NCALD: variants seen among roughly 807,000 people sequenced by gnomAD.
NCALD encodes the protein neurocalcin delta, also known as neurocalcin-delta.
A neutral mutation model predicts 18.6 loss-of-function variants in NCALD; 10 were observed. The ratio of observed to expected loss-of-function variants is 0.54; its 90% CI spans 0.33 to 0.91. NCALD has a LOEUF of 0.91. Among genes scored for constraint, NCALD ranks in the 40% least tolerant of loss-of-function variants. The pLI is 0.03. For missense variants in NCALD, 184 were observed against 247.6 expected, an observed-to-expected ratio of 0.74 and a Z score of 1.72; for synonymous variants, 88 against 87.4, an observed-to-expected ratio of 1.01 and a Z score of -0.04.
intron 2 of NCALD, among the ~76,000 whole-genome samples, chr8:101,941,619 C>T (rs1419765366): frequency 6.6e-6 from 1 of 152,208 alleles, no homozygotes; most frequent in African/African-American, 2.4e-5. Context: ...AACTTCTGTG[C>T]ATCTTTCCAA....
At chr8:101,834,026 G>A (rs1814302372) in intron 4 of NCALD, among the ~76,000 whole-genome samples, 1 of 152,154 alleles carries the variant, frequency 6.6e-6, no homozygotes, top group South Asian at 2.1e-4. Context: ...ATAGCCCTAG[G>A]GAAAGTTAAG....
In NCALD at chr8:101,719,558, C is replaced by T. The variant is rs1199224549; in HGVS notation, c.72G>A (p.Glu24=). 6.2e-7 allele frequency: 1 copy of T among 1,614,094 alleles called. No individual in the cohort carries two copies. The highest frequency in any genetic ancestry group is 1.7e-5 in the Admixed American group (1 of 60,014). ...QDLLESTDFT[E]HEIQEWYKGF... ...CTTTATACCATTCCTGGATCTCATG[C>T]TCTGTAAAGTCTGTGCTTTCCAGCA... Residue 24 remains glutamate, a synonymous_variant, in exon 2 of 4, where the codon GAG becomes GAA. Coordinates refer to ENST00000220931, the MANE Select transcript of NCALD (RefSeq NM_032041.3).
intron 3 of NCALD, among the ~76,000 whole-genome samples, chr8:101,906,475 G>A (rs916817955): frequency 3.9e-5 from 6 of 152,170 alleles, no homozygotes; most frequent in African/African-American, 7.2e-5. Context: ...GCACAGAAAC[G>A]GCCATGGTTG....
intron 1 of NCALD, among the ~76,000 whole-genome samples, chr8:102,087,017 C>A (rs1447990205): frequency 6.6e-6 from 1 of 152,200 alleles, no homozygotes; most frequent in South Asian, 2.1e-4. Flanking sequence ...ATGAATAACC[C>A]ACCCCTTCCT....
chr8:101,952,841 T>C (rs1200143702), intron 2 of NCALD, among the ~76,000 whole-genome samples: 3 of 152,032 alleles, frequency 2.0e-5, no homozygotes, highest in African/African-American at 7.2e-5. Flanking sequence ...AGAGCAGAGT[T>C]CTCTGCCCGG....
chr8:101,969,146 T>C (rs1820143501), intron 2 of NCALD, among the ~76,000 whole-genome samples: 1 of 152,204 alleles, frequency 6.6e-6, no homozygotes, highest in Admixed American at 6.5e-5. Flanking sequence ...TCTGGTGACA[T>C]ACAGAACCAT....
At chr8:101,945,309 T>C (rs1424766196) in intron 2 of NCALD, among the ~76,000 whole-genome samples, 1 of 152,108 alleles carries the variant, frequency 6.6e-6, no homozygotes, top group South Asian at 2.1e-4. Flanking sequence ...CCTGCCCTCA[T>C]GGACCTTACA....
chr8:101,910,074 G>T (rs558375433), intron 3 of NCALD, among the ~76,000 whole-genome samples: 3 of 152,222 alleles, frequency 2.0e-5, no homozygotes, highest in Admixed American at 6.5e-5. Context: ...CCTAGGAGGG[G>T]CAATCCTACA....
intron 1 of NCALD, among the ~76,000 whole-genome samples, chr8:102,077,686 C>T (rs879882510): frequency 1.3e-5 from 2 of 152,246 alleles, no homozygotes; most frequent in African/African-American, 2.4e-5. Flanking sequence ...TTCCCTTTAG[C>T]GACTACTGAT....
Position 101,936,276 on chromosome 8 carries a change from T to C in NCALD, c.-156-20418A>G, listed in dbSNP as rs138688986. Reference sequence around the variant, plus strand: ...AGTAAGACCAATCAGCAAGTTTGCATATTCTTCTCCAACCACATTCAGTCT... The same window carrying C: ...AGTAAGACCAATCAGCAAGTTTGCACATTCTTCTCCAACCACATTCAGTCT... On this transcript the variant is annotated intron_variant, in intron 2 of 6. Transcript: ENST00000311028. Among the ~76,000 whole-genome samples, 600 of 152,362 alleles carry C rather than the reference T, an allele frequency of 3.9e-3. 1 individual carries two copies. The highest frequency in any genetic ancestry group is 6.6e-3 in the Non-Finnish European group (450 of 68,024).
chr8:102,022,297 C>T (rs1822303470), intron 1 of NCALD, among the ~76,000 whole-genome samples: 1 of 152,158 alleles, frequency 6.6e-6, no homozygotes, highest in South Asian at 2.1e-4. Flanking sequence ...ACTGAATAAT[C>T]CAGTATTCTA....
chr8:101,765,645 G>C (rs750495632), intron 1 of NCALD, among the ~76,000 whole-genome samples: 10 of 152,250 alleles, frequency 6.6e-5, no homozygotes, highest in African/African-American at 2.4e-4. Context: ...TGTATGTTGG[G>C]GAGGAGTAGG....
At chr8:101,819,478 A>T (rs1813632095) in intron 4 of NCALD, among the ~76,000 whole-genome samples, 1 of 152,022 alleles carries the variant, frequency 6.6e-6, no homozygotes, top group Admixed American at 6.6e-5. Flanking sequence ...CCAGTTTTCA[A>T]TTCTTCACCA....
At chr8:101,839,437 T>C (rs1347617193) in intron 4 of NCALD, among the ~76,000 whole-genome samples, 1 of 152,140 alleles carries the variant, frequency 6.6e-6, no homozygotes, top group Non-Finnish European at 1.5e-5. Context: ...GGTTTGGCTT[T>C]CAGTGGTGGC....
chr8:101,689,044 A>G lies in NCALD; in HGVS notation c.*265T>C, dbSNP rs538759275. 1.4e-6 allele frequency: 1 copy of G among 700,170 alleles called. No homozygotes were observed. Among genetic ancestry groups the G allele is most frequent in the Middle Eastern group, 2.3e-4 (1 of 4,360 alleles). 43.4% of individuals were successfully genotyped at this position (700,170 alleles called of 1,614,324 possible). On this transcript the variant is annotated 3_prime_UTR_variant, in exon 4 of 4. Transcript: ENST00000220931. The surrounding 1 kb of genome is among the most constrained non-coding windows in gnomAD (Gnocchi z 4.4). ...AGAACAGAGACATTAGAATAAAAAA[A>G]AATAATAGTAACGATTAAAAATCAT...
rs981254347 is a variant in NCALD at position 101,808,787 on chromosome 8, C to A, written c.-20+78354G>T. On this transcript the variant is annotated intron_variant, in intron 4 of 6. Coordinates refer to the NCALD transcript ENST00000311028. ...GGCTGTACACCCTAAAGATGGATGG[C>A]GGGGCTGTAAGCTGGAAGAAGCTTA... Among the ~76,000 whole-genome samples, 11 of 152,092 alleles carry A rather than the reference C, an allele frequency of 7.2e-5. No homozygotes were observed. In the South Asian group the frequency reaches 8.3e-4, roughly 12 times the overall value.
At chr8:101,888,813 CT>C (rs1780412291) in intron 3 of NCALD, among the ~76,000 whole-genome samples, 1 of 152,182 alleles carries the variant, frequency 6.6e-6, no homozygotes, top group Admixed American at 6.5e-5. Flanking sequence ...ATGAAGCACT[CT>C]TCCATTTGAT....
chr8:101,881,493 T>TC lies in NCALD; in HGVS notation c.-20+5647dup, dbSNP rs199600975. 9.4e-3 allele frequency among the ~76,000 whole-genome samples: 1,433 copies of TC among 152,312 alleles called. 9 individuals carry two copies. Among genetic ancestry groups the TC allele is most frequent in the Non-Finnish European group, 0.014 (956 of 68,016 alleles). On this transcript the variant is annotated intron_variant, in intron 4 of 6. Transcript: ENST00000311028. ...AAGGACACAAGAGCAGCACTTTTTT[T>TC]CTCTCTGTTATTCTCAGCTTCCTAT...
At chr8:102,115,170 T>A (rs1363547744) in intron 1 of NCALD, among the ~76,000 whole-genome samples, 4 of 152,244 alleles carry the variant, frequency 2.6e-5, no homozygotes, top group Non-Finnish European at 4.4e-5. Flanking sequence ...AAACCTTTTC[T>A]TCAGGTAGTG....
Sources: allele counts gnomAD v4.1 joint callset (sites outside exome capture counted in the v4.1 genomes callset), GRCh38; gene constraint gnomAD v4.1.1; non-coding constraint Gnocchi (gnomAD v3.1); transcripts MANE v1.5; gene names NCBI Gene and HGNC (gene_info 2026-07-23, HGNC 2026-07-21).